The following AKAP11 variants were observed in gnomAD, a reference collection of about 807,000 sequenced individuals.
AKAP11 encodes A-kinase anchoring protein 11.
Under a neutral mutation model 146.1 loss-of-function variants are expected in AKAP11, and 36 were observed. That is an observed-to-expected ratio of 0.25 (90% CI 0.19 to 0.33). The LOEUF (loss-of-function observed/expected upper bound fraction) is 0.33. Among genes scored for constraint, AKAP11 ranks in the 10% least tolerant of loss-of-function variants. The pLI is 1.00. For missense variants in AKAP11, 2,201 were observed against 2,197.0 expected (o/e 1.00, Z -0.04); for synonymous variants, 780 against 786.5 (o/e 0.99, Z 0.14).
chr13:42,271,820 T>A (rs1034692868), upstream of AKAP11, among the ~76,000 whole-genome samples: 1 of 151,810 alleles, frequency 6.6e-6, no homozygotes, highest in Admixed American at 6.6e-5. Flanking sequence ...TCCCGGCCAA[T>A]GGAGAGGCCC....
At chr13:42,297,252 A>G in intron 6 of AKAP11, 70 bp downstream of exon 6, 2 of 1,184,926 alleles carry the variant, frequency 1.7e-6, no homozygotes, top group East Asian at 2.8e-5. Context: ...AAGATGATTA[A>G]ACTTTTAAAT....
In AKAP11 at chr13:42,300,625, G is replaced by A. The variant is rs1959815195; in HGVS notation, c.1879G>A (p.Ala627Thr). The A allele has an allele frequency of 1.2e-6, 2 of 1,613,974 alleles. No individual in the cohort carries two copies. The highest frequency in any genetic ancestry group is 1.7e-6 in the Non-Finnish European group (2 of 1,179,920). Residue 627 changes from alanine (A) to threonine (T), a missense_variant, in exon 8 of 13, where the codon GCC becomes ACC. Ala to Thr is a moderately conservative substitution (Grantham distance 58). Around this residue, in one of 3 missense-constraint regions of AKAP11, gnomAD observed 1,867 missense variants for 1,833.5 expected, o/e 1.02. Transcript: ENST00000025301. ...NFLVSEALSN[A>T]LKDLQYVKKQ... Reference sequence around the variant, plus strand: ...TTTGGTGAGTGAAGCTTTATCAAATGCCTTAAAAGATTTACAGTATGTAAA... The same window carrying A: ...TTTGGTGAGTGAAGCTTTATCAAATACCTTAAAAGATTTACAGTATGTAAA...
intron 4 of AKAP11, among the ~76,000 whole-genome samples, chr13:42,293,057 TAAG>T (rs1260158430): frequency 2.0e-5 from 3 of 152,170 alleles, no homozygotes; most frequent in Non-Finnish European, 2.9e-5. Context: ...ATAAAAAGAG[TAAG>T]ATCCTTTTCT....
chr13:42,273,087 A>G lies in AKAP11; in HGVS notation c.-100+859A>G, dbSNP rs995501558. ...AAGACTGCTGAGATACATACCTAAT[A>G]GCTTTAGTACAAACTGGAGTTAATT... On this transcript the variant is annotated intron_variant, in intron 1 of 12. Coordinates refer to ENST00000025301, the MANE Select transcript of AKAP11 (RefSeq NM_016248.4). 2.4e-4 allele frequency among the ~76,000 whole-genome samples: 37 copies of G among 152,206 alleles called. 1 individual carries two copies. Among genetic ancestry groups the G allele is most frequent in the Admixed American group, 1.0e-3 (16 of 15,288 alleles).
At chr13:42,312,967 C>T (rs1960634334) in intron 9 of AKAP11, 80 bp from the exon 10 acceptor site, 1 of 1,186,454 alleles carries the variant, frequency 8.4e-7, no homozygotes, top group South Asian at 1.3e-5. Context: ...TTATCAAGGA[C>T]AGAAGCTGTT....
chr13:42,279,895 C>T (rs1175800734), intron 1 of AKAP11, among the ~76,000 whole-genome samples: 1 of 152,092 alleles, frequency 6.6e-6, no homozygotes, highest in Non-Finnish European at 1.5e-5. Context: ...TAGTGTGGGT[C>T]CAGAACAGTT....
In AKAP11 at chr13:42,320,539, C is replaced by T. The variant is rs1961045079; in HGVS notation, c.*1311C>T. 7.5e-6 allele frequency: 1 copy of T among 133,224 alleles called. No homozygotes were observed. The highest frequency in any genetic ancestry group is 7.5e-5 in the Admixed American group (1 of 13,390). The allele number at this position is 133,224 out of a possible 1,614,324, so 8.3% of individuals were successfully genotyped here. A position where few individuals can be genotyped will look rare whatever the true frequency, so the allele number is the denominator to read the frequency against. ...CCTCCCCCCTCCTCCCACTGTCTCT[C>T]ACCTCCCCCACCCCCCACTCTCTCT... is the stretch of plus-strand genomic sequence containing the variant. On this transcript the variant is annotated 3_prime_UTR_variant, in exon 13 of 13. Coordinates refer to ENST00000025301, the MANE Select transcript of AKAP11 (RefSeq NM_016248.4).
At position 42,303,623 on chromosome 13, in the gene AKAP11, G is replaced by A. The variant is rs150888197; in HGVS notation, c.4877G>A (p.Arg1626His). ...GCTTCTAATCCAAAATTTAGCAGCCGCTATCAGAAATCTAGGATTTTTCAT... is the reference window on the plus strand; with the variant it reads ...GCTTCTAATCCAAAATTTAGCAGCCACTATCAGAAATCTAGGATTTTTCAT... ...KPASNPKFSSRYQKSRIFHLS... is the reference protein window; with the variant it reads ...KPASNPKFSSHYQKSRIFHLS... Residue 1626 changes from arginine to histidine, a missense_variant, in exon 8 of 13, where the codon CGC (arginine) becomes CAC (histidine). Physicochemically the swap from Arg to His is conservative, Grantham distance 29 (BLOSUM62 0). Transcript: ENST00000025301. The A allele has an allele frequency of 6.8e-6, 11 of 1,614,154 alleles. No individual in the cohort carries two copies. Among genetic ancestry groups the A allele is most frequent in the East Asian group, 2.2e-5 (1 of 44,890 alleles).
chr13:42,315,773 AG>A (rs1960790519), intron 11 of AKAP11, among the ~76,000 whole-genome samples: 1 of 152,220 alleles, frequency 6.6e-6, no homozygotes, highest in Non-Finnish European at 1.5e-5. Flanking sequence ...TAAATTTGTT[AG>A]AGATTGGTAA....
At position 42,302,310 on chromosome 13, in the gene AKAP11, G is replaced by A. The variant is rs1349440452; in HGVS notation, c.3564G>A (p.Lys1188=). The A allele has an allele frequency of 6.2e-7, 1 of 1,614,146 alleles. No homozygotes were observed. Among genetic ancestry groups the A allele is most frequent in the Admixed American group, 1.7e-5 (1 of 60,014 alleles). The change falls in exon 8 of 13, where the codon AAG becomes AAA. Residue 1188 remains lysine (K), a synonymous_variant. Coordinates refer to ENST00000025301, the MANE Select transcript of AKAP11 (RefSeq NM_016248.4). ...GAGAGCTCCCAGAAGTGGATGTGAA[G>A]TCGGAGCACTCAGGGAAGAAGGTTC... ...ESGELPEVDV[K]SEHSGKKVQF...
In AKAP11 at chr13:42,300,223, A is replaced by G. The variant is rs1298884167; in HGVS notation, c.1477A>G (p.Lys493Glu). ...SVYYTYEDYA[K>E]SISCEVLGSV... ...TTATTACACCTATGAAGACTATGCA[A>G]AAAGCATTTCATGTGAAGTACTAGG... The change falls in exon 8 of 13, where the codon AAA (lysine) becomes GAA (glutamate). Residue 493 changes from lysine to glutamate, a missense_variant. Coordinates refer to ENST00000025301, the MANE Select transcript of AKAP11 (RefSeq NM_016248.4). 1.9e-6 allele frequency: 3 copies of G among 1,613,844 alleles called. No homozygotes were observed. The highest frequency in any genetic ancestry group is 1.1e-5 in the South Asian group (1 of 91,070).
At chr13:42,299,324 G>A in intron 7 of AKAP11, 39 bp from the exon 8 acceptor site, 1 of 1,537,830 alleles carries the variant, frequency 6.5e-7, no homozygotes, top group Non-Finnish European at 8.7e-7. Flanking sequence ...AAAAAGTTTT[G>A]TTCAAAAATA....
Position 42,301,925 on chromosome 13 carries a change from T to C in AKAP11, c.3179T>C (p.Phe1060Ser), listed in dbSNP as rs765180207. 1.9e-6 allele frequency: 3 copies of C among 1,614,194 alleles called. No individual in the cohort carries two copies. The highest frequency in any genetic ancestry group is 4.5e-5 in the East Asian group (2 of 44,888). ...AGTACATCACTTGAGGCCTTGTCTT[T>C]TGGACAGGAAAACCCCTTTCCTCAT... ...LNSTSLEALSFGQENPFPHSH... is the reference protein window; with the variant it reads ...LNSTSLEALSSGQENPFPHSH... Residue 1060 changes from phenylalanine (F) to serine (S), a missense_variant, in exon 8 of 13, where the codon TTT becomes TCT. Coordinates refer to ENST00000025301, the MANE Select transcript of AKAP11 (RefSeq NM_016248.4).
chr13:42,283,455 C>T (rs182141091), intron 1 of AKAP11, among the ~76,000 whole-genome samples: 13 of 152,228 alleles, frequency 8.5e-5, no homozygotes, highest in Admixed American at 7.8e-4. Context: ...ATACTGAATT[C>T]CATTTGCTTT....
At chr13:42,273,682 A>G (rs943113173) in intron 1 of AKAP11, among the ~76,000 whole-genome samples, 1 of 152,220 alleles carries the variant, frequency 6.6e-6, no homozygotes, top group Non-Finnish European at 1.5e-5. Context: ...ACATGGAACC[A>G]TAGTGAGAAA....
In AKAP11 at chr13:42,303,554, C is replaced by T; in HGVS notation, c.4808C>T (p.Ser1603Phe). 1 of 1,614,222 alleles carries T rather than the reference C, an allele frequency of 6.2e-7. No homozygotes were observed. Among genetic ancestry groups the T allele is most frequent in the Non-Finnish European group, 8.5e-7 (1 of 1,180,048 alleles). ...KELHNCTGNS[S>F]QHFFRQGSLA... ...CTCCACAATTGCACTGGAAATTCAT[C>T]TCAGCACTTTTTCAGACAGGGTTCT... is the stretch of plus-strand genomic sequence containing the variant. The change falls in exon 8 of 13, where the codon TCT becomes TTT. Residue 1603 changes from serine to phenylalanine, a missense_variant. Coordinates refer to ENST00000025301, the MANE Select transcript of AKAP11 (RefSeq NM_016248.4).
At chr13:42,292,272 GC>G in intron 3 of AKAP11, 112 bp from the exon 4 acceptor site, 1 of 506,714 alleles carries the variant, frequency 2.0e-6, no homozygotes, top group Non-Finnish European at 3.5e-6. Flanking sequence ...ATCAAAAGGT[GC>G]CAGTGAATAT....
chr13:42,272,590 T>G (rs1376648569), intron 1 of AKAP11, among the ~76,000 whole-genome samples: 1 of 149,598 alleles, frequency 6.7e-6, no homozygotes, highest in Non-Finnish European at 1.5e-5. Context: ...CCCGGGTGCG[T>G]GGTGCGCGTG....
intron 1 of AKAP11, among the ~76,000 whole-genome samples, chr13:42,276,338 C>G (rs1192702957): frequency 2.0e-5 from 3 of 152,122 alleles, no homozygotes; most frequent in Non-Finnish European, 4.4e-5. Context: ...CTCCTCCTCC[C>G]AGGGCTCAAG....
Sources: gnomAD v4.1 joint callset for allele counts (sites outside exome capture counted in the v4.1 genomes callset) on GRCh38, gnomAD v4.1.1 for gene constraint, gnomAD v4.1.1 regional missense constraint, MANE v1.5 for transcripts, NCBI Gene and HGNC (gene_info 2026-07-23, HGNC 2026-07-21) for gene names.